Variants in EHHADH observed in about 807,000 individuals in gnomAD.
The protein encoded by EHHADH is enoyl-CoA hydratase and 3-hydroxyacyl CoA dehydrogenase.
A neutral mutation model predicts 64.4 loss-of-function variants in EHHADH; 48 were observed. The ratio of observed to expected loss-of-function variants is 0.75; its 90% confidence interval spans 0.59 to 0.95. EHHADH has a LOEUF of 0.95. Ranked by LOEUF, EHHADH falls within the 40% of genes least tolerant of loss-of-function variation. The pLI is 0.00. For missense variants in EHHADH, 854 were observed against 876.6 expected, an observed-to-expected ratio of 0.97 and a Z score of 0.33; for synonymous variants, 308 against 326.7, an observed-to-expected ratio of 0.94 and a Z score of 0.62.
At chr3:185,213,620 C>T (rs992919941) in intron 5 of EHHADH, among the ~76,000 whole-genome samples, 6 of 152,134 alleles carry the variant, frequency 3.9e-5, no homozygotes, top group Non-Finnish European at 7.4e-5. Context: ...TGGCTCACGG[C>T]TGTAATCCCA....
chr3:185,250,440 G>C (rs773345057), intron 1 of EHHADH, among the ~76,000 whole-genome samples: 1 of 152,096 alleles, frequency 6.6e-6, no homozygotes. Flanking sequence ...AAGAAGGAGG[G>C]GATTAATAAG....
rs200940532 is a variant in EHHADH at position 185,193,470 on chromosome 3, G to C, written c.928C>G (p.Arg310Gly). The C allele has an allele frequency of 9.3e-6, 15 of 1,613,892 alleles. No individual in the cohort carries two copies. The African/African-American group carries it at 1.9e-4, about 20-fold the overall frequency. Residue 310 changes from arginine to glycine, a missense_variant, in exon 7 of 7, where the codon CGA becomes GGA. Coordinates refer to ENST00000231887, the MANE Select transcript of EHHADH (RefSeq NM_001966.4). ...CTTGCAAAAGAAATGACAATGCCTC[G>C]GCCCATTGTTCCCAAGCCTGCAGAT... is the stretch of plus-strand genomic sequence containing the variant. Reference protein sequence around the residue: ...VGVVGLGTMGRGIVISFARAR... With the variant: ...VGVVGLGTMGGGIVISFARAR...
At chr3:185,210,868 C>A (rs191742318) in intron 5 of EHHADH, among the ~76,000 whole-genome samples, 1 of 152,092 alleles carries the variant, frequency 6.6e-6, no homozygotes, top group African/African-American at 2.4e-5. Context: ...GAAAAGAAAG[C>A]CTGCTTAATG....
At chr3:185,197,948 C>G (rs1718111650) in intron 6 of EHHADH, among the ~76,000 whole-genome samples, 1 of 152,030 alleles carries the variant, frequency 6.6e-6, no homozygotes, top group Non-Finnish European at 1.5e-5. Context: ...AGGTGTGCAC[C>G]ACCACGTCCA....
intron 4 of EHHADH, among the ~76,000 whole-genome samples, chr3:185,224,063 G>A (rs1341963065): frequency 6.6e-6 from 1 of 152,160 alleles, no homozygotes; most frequent in African/African-American, 2.4e-5. Flanking sequence ...GAAAGGGTTA[G>A]CCACCTAAAT....
intron 5 of EHHADH, among the ~76,000 whole-genome samples, chr3:185,205,909 AC>A (rs2108630535): frequency 6.6e-6 from 1 of 152,294 alleles, no homozygotes; most frequent in African/African-American, 2.4e-5. Context: ...ATGTGCAAGC[AC>A]CAAGAAGGGA....
Position 185,192,240 on chromosome 3 carries a change from T to A in EHHADH, c.2158A>T (p.Ser720Cys). ...KEWQSLAGSP[S>C]SKL Reference sequence around the variant, plus strand: ...GGAAGACTGAATCACAATTTACTGCTAGGGGAGCCTGCCAAGCTTTGCCAT... The same window carrying A: ...GGAAGACTGAATCACAATTTACTGCAAGGGGAGCCTGCCAAGCTTTGCCAT... The change falls in exon 7 of 7, where the codon AGC (serine) becomes TGC (cysteine). Residue 720 changes from serine (S) to cysteine (C), a missense_variant. Ser to Cys is a moderately radical substitution (Grantham distance 112). Coordinates refer to ENST00000231887, the MANE Select transcript of EHHADH (RefSeq NM_001966.4). 3 of 1,613,304 alleles carry A rather than the reference T, an allele frequency of 1.9e-6. No individual in the cohort carries two copies. The highest frequency in any genetic ancestry group is 2.5e-6 in the Non-Finnish European group (3 of 1,179,660).
chr3:185,245,493 G>T, intron 2 of EHHADH: 3 of 1,056,410 alleles, frequency 2.8e-6, no homozygotes, highest in Non-Finnish European at 2.8e-6. Flanking sequence ...GTGCTCGCTT[G>T]CCCATGACAG....
In EHHADH at chr3:185,217,606, A is replaced by G. The variant is rs143263397; in HGVS notation, c.568+530T>C. Among the ~76,000 whole-genome samples, 72 of 150,084 alleles carry G rather than the reference A, an allele frequency of 4.8e-4. 1 individual carries two copies. The South Asian group carries it at 0.014, about 30-fold the overall frequency. On this transcript the variant is annotated intron_variant, in intron 5 of 6. Transcript: ENST00000231887. ...CACACTTCTCTCTTGCTCTCTTGCC[A>G]TATGACGTGCCTATTCCTGCTTCAC...
chr3:185,208,269 T>C (rs996110801), intron 5 of EHHADH, among the ~76,000 whole-genome samples: 1 of 152,210 alleles, frequency 6.6e-6, no homozygotes, highest in African/African-American at 2.4e-5. Context: ...AACTGAATCC[T>C]ACCAACAACC....
intron 6 of EHHADH, among the ~76,000 whole-genome samples, chr3:185,194,033 T>C (rs1717989601): frequency 6.6e-6 from 1 of 152,188 alleles, no homozygotes; most frequent in African/African-American, 2.4e-5. Context: ...ACAATTCCTA[T>C]AAAAATCCCA....
chr3:185,208,604 A>G (rs1300748976), intron 5 of EHHADH, among the ~76,000 whole-genome samples: 2 of 152,332 alleles, frequency 1.3e-5, no homozygotes, highest in African/African-American at 2.4e-5. Flanking sequence ...TGCTTTGGAA[A>G]ACAGTTTAGT....
At chr3:185,219,086 T>C (rs16859843) in intron 4 of EHHADH, among the ~76,000 whole-genome samples, 19,869 of 152,138 alleles carry the variant, frequency 0.13, 1,935 homozygotes, top group African/African-American at 0.27. Context: ...GACATAAATA[T>C]AGTTAACTCA....
intron 1 of EHHADH, among the ~76,000 whole-genome samples, chr3:185,250,152 T>C (rs910047206): frequency 1.3e-5 from 2 of 152,240 alleles, no homozygotes; most frequent in African/African-American, 4.8e-5. Flanking sequence ...TCTTCACTAT[T>C]CTGTCAGTGA....
rs1717882057 is a variant in EHHADH at position 185,191,970 on chromosome 3, T to C, written c.*256A>G. Reference sequence around the variant, plus strand: ...GAGAATCTCAACTTATGCCTGAGCCTCTTTCATTAGCTATTATGGTATTAT... The same window carrying C: ...GAGAATCTCAACTTATGCCTGAGCCCCTTTCATTAGCTATTATGGTATTAT... On this transcript the variant is annotated 3_prime_UTR_variant, in exon 7 of 7. Transcript: ENST00000231887. 1 of 450,500 alleles carries C rather than the reference T, an allele frequency of 2.2e-6. No individual in the cohort carries two copies. Among genetic ancestry groups the C allele is most frequent in the Admixed American group, 3.9e-5 (1 of 25,762 alleles). 27.9% of individuals were successfully genotyped at this position (450,500 alleles called of 1,614,324 possible). A position where few individuals can be genotyped will look rare whatever the true frequency, so the allele number is the denominator to read the frequency against.
intron 4 of EHHADH, among the ~76,000 whole-genome samples, chr3:185,228,865 G>A (rs929488795): frequency 2.6e-5 from 4 of 151,532 alleles, no homozygotes; most frequent in East Asian, 2.0e-4. Flanking sequence ...GTGCAGTGGC[G>A]TAGTCTCAGC....
At chr3:185,206,082 G>A (rs1718382614) in intron 5 of EHHADH, among the ~76,000 whole-genome samples, 1 of 151,928 alleles carries the variant, frequency 6.6e-6, no homozygotes, top group Non-Finnish European at 1.5e-5. Context: ...GATCTCAAAC[G>A]TGGTTTATTG....
rs150381945 is a variant in EHHADH at position 185,248,514 on chromosome 3, C to T, written c.78G>A (p.Thr26=). ...LRNPPVNAIS[T]TLLRDIKEGL... is the part of the protein sequence containing the mutation. ...CTTCTTTTATGTCACGGAGTAAAGT[C>T]GTACTAAAAGAAAACAAAATACATG... is the stretch of plus-strand genomic sequence containing the variant. The change falls in exon 2 of 7, where the codon ACG becomes ACA. Residue 26 remains threonine, a synonymous_variant. Coordinates refer to ENST00000231887, the MANE Select transcript of EHHADH (RefSeq NM_001966.4). 118 of 1,601,268 alleles carry T rather than the reference C, an allele frequency of 7.4e-5. No homozygotes were observed. In the African/African-American group the frequency reaches 1.2e-3, roughly 17 times the overall value.
At chr3:185,242,792 C>A (rs192720128) in intron 2 of EHHADH, among the ~76,000 whole-genome samples, 138 of 152,322 alleles carry the variant, frequency 9.1e-4, no homozygotes, top group African/African-American at 3.0e-3. Flanking sequence ...AGGCTACCCA[C>A]CTCCCAGCTG....
Sources: gnomAD v4.1 joint callset for allele counts (sites outside exome capture counted in the v4.1 genomes callset) on GRCh38, gnomAD v4.1.1 for gene constraint, MANE v1.5 for transcripts, NCBI Gene and HGNC (gene_info 2026-07-23, HGNC 2026-07-21) for gene names.